The following NCOA6 variants were observed in gnomAD, a reference collection of about 807,000 sequenced individuals.
NCOA6 encodes the protein NRC RAP250.
Under a neutral mutation model 171.4 loss-of-function variants are expected in NCOA6, and 49 were observed. The observed-to-expected ratio is 0.29, with a 90% CI of 0.23 to 0.36. The LOEUF is 0.36. NCOA6 is among the 10% of genes least tolerant of loss of function. The pLI is 1.00. For synonymous variants in NCOA6, 910 were observed against 927.5 expected (o/e 0.98, Z 0.34); for missense variants, 2,248 against 2,554.5 (o/e 0.88, Z 2.59).
At chr20:34,740,152 C>A (rs1435690171) in intron 11 of NCOA6, among the ~76,000 whole-genome samples, 1 of 152,164 alleles carries the variant, frequency 6.6e-6, no homozygotes, top group Non-Finnish European at 1.5e-5. Context: ...CGTGAGCCAC[C>A]GCACCTGGCC....
chr20:34,749,906 T>C lies in NCOA6; in HGVS notation c.2289A>G (p.Ser763=), dbSNP rs751735721. Residue 763 remains serine, a synonymous_variant, in exon 9 of 15, where the codon TCA becomes TCG. Transcript: ENST00000359003. The part of the protein sequence containing the change: ...GNMVQFTGQM[S]GQMLPQQGPV... ...GCCCTTGCTGGGGCAGCATCTGTCC[T>C]GACATCTGTCCCGTAAACTGCACCA... is the stretch of plus-strand genomic sequence containing the variant. 4.3e-6 allele frequency: 7 copies of C among 1,614,116 alleles called. No homozygotes were observed. The highest frequency in any genetic ancestry group is 1.6e-4 in the Middle Eastern group (1 of 6,084).
At position 34,782,407 on chromosome 20, in the gene NCOA6, G is replaced by A; in HGVS notation, c.-49-3C>T. 9.0e-7 allele frequency: 1 copy of A among 1,113,114 alleles called. No individual in the cohort carries two copies. The highest frequency in any genetic ancestry group is 1.3e-6 in the Non-Finnish European group (1 of 774,904). 69.0% of individuals were successfully genotyped at this position (1,113,114 alleles called of 1,614,324 possible). A position where few individuals can be genotyped will look rare whatever the true frequency, so the allele number is the denominator to read the frequency against. ...CCAAGAGGACAATAAGAAAACTTCTGAAAAGAGAAGATGCAAAAGAGCATT... is the reference window on the plus strand; with the variant it reads ...CCAAGAGGACAATAAGAAAACTTCTAAAAAGAGAAGATGCAAAAGAGCATT... On this transcript the variant is annotated splice_region_variant and splice_polypyrimidine_tract_variant and intron_variant, in intron 2 of 14. Transcript: ENST00000359003.
chr20:34,740,451 GC>G lies in NCOA6; in HGVS notation c.5804del (p.Ser1935ThrfsTer6). On this transcript the variant is annotated frameshift_variant, in exon 11 of 15. Transcript: ENST00000359003. LOFTEE classifies it high-confidence loss of function. Reference protein sequence around the residue: ...ELISAVPTTKSNHGGIASESL... With the variant: ...ELISAVPTTKXNHGGIASESL... ...ACTCAGATGCTATGCCACCATGATTGCTTTTTGTGGTCGGTACGGCGGAGAT... is the reference window on the plus strand; with the variant it reads ...ACTCAGATGCTATGCCACCATGATTGTTTTTGTGGTCGGTACGGCGGAGAT... 6.2e-7 allele frequency: 1 copy of G among 1,614,198 alleles called. No individual in the cohort carries two copies. The highest frequency in any genetic ancestry group is 8.5e-7 in the Non-Finnish European group (1 of 1,180,044).
chr20:34,776,325 C>G lies in NCOA6; in HGVS notation c.359G>C (p.Arg120Pro). ...CTGAACGGAGAGAATCCCTAAATCCCGAAGCTGCTGGTTGTTGCTCTGAGC... is the reference window on the plus strand; with the variant it reads ...CTGAACGGAGAGAATCCCTAAATCCGGAAGCTGCTGGTTGTTGCTCTGAGC... ...ILAQSNNQQLRDLGILSVQIE... is the reference protein window; with the variant it reads ...ILAQSNNQQLPDLGILSVQIE... The change falls in exon 4 of 15, where the codon CGG becomes CCG. Residue 120 changes from arginine to proline, a missense_variant. Physicochemically the swap from Arg to Pro is moderately radical, Grantham distance 103 (BLOSUM62 -2). Coordinates refer to ENST00000359003, the MANE Select transcript of NCOA6 (RefSeq NM_014071.5). The G allele has an allele frequency of 6.2e-7, 1 of 1,613,912 alleles. No individual in the cohort carries two copies. The highest frequency in any genetic ancestry group is 8.5e-7 in the Non-Finnish European group (1 of 1,180,004).
chr20:34,751,215 A>G (rs1022736519), intron 8 of NCOA6, among the ~76,000 whole-genome samples: 1 of 147,286 alleles, frequency 6.8e-6, no homozygotes, highest in Non-Finnish European at 1.5e-5. Context: ...CTAAAAATAC[A>G]AAAAATTAGC....
intron 5 of NCOA6, among the ~76,000 whole-genome samples, chr20:34,759,250 G>A (rs1413541507): frequency 6.6e-6 from 1 of 152,048 alleles, no homozygotes; most frequent in Admixed American, 6.5e-5. Flanking sequence ...ATGTTGCCTA[G>A]GCTGGTCTCA....
rs544445757 is a variant in NCOA6, at chr20:34,784,494, G to A, written c.-49-2090C>T. ...TCCCACCTTGGCCTCCCAAAGTGCT[G>A]GGATTACAGGCATGAGCTACCATGT... On this transcript the variant is annotated intron_variant, in intron 2 of 14. Coordinates refer to ENST00000359003, the MANE Select transcript of NCOA6 (RefSeq NM_014071.5). Among the ~76,000 whole-genome samples the A allele has an allele frequency of 1.3e-4, 20 of 152,130 alleles. No homozygotes were observed. In the South Asian group the frequency reaches 4.1e-3, roughly 32 times the overall value.
At position 34,742,312 on chromosome 20, in the gene NCOA6, T is replaced by C; in HGVS notation, c.3944A>G (p.Gln1315Arg). The change falls in exon 11 of 15, where the codon CAG (glutamine) becomes CGG (arginine). Residue 1315 changes from glutamine to arginine, a missense_variant. By Grantham distance (43) the Gln-to-Arg change is conservative. This residue lies in a region of NCOA6 where 884 missense variants were observed against 941.9 expected (regional missense o/e 0.94). Coordinates refer to ENST00000359003, the MANE Select transcript of NCOA6 (RefSeq NM_014071.5). Reference sequence around the variant, plus strand: ...CCGTTTTGTTGCTCCAGAATTAGACTGCTTTCCAGAATTCACTACCACAGA... The same window carrying C: ...CCGTTTTGTTGCTCCAGAATTAGACCGCTTTCCAGAATTCACTACCACAGA... The part of the protein sequence containing the change: ...LDSVVVNSGK[Q>R]SNSGATKRAS... 6.2e-7 allele frequency: 1 copy of C among 1,614,212 alleles called. No individual in the cohort carries two copies.
intron 5 of NCOA6, among the ~76,000 whole-genome samples, chr20:34,765,474 G>A (rs1003334707): frequency 4.0e-5 from 6 of 151,492 alleles, no homozygotes; most frequent in Non-Finnish European, 7.4e-5. Context: ...GGTCTTCTTG[G>A]TCCATAATGA....
intron 1 of NCOA6, chr20:34,809,658 A>G (rs1174249979): frequency 7.7e-6 from 3 of 388,846 alleles, no homozygotes; most frequent in East Asian, 3.6e-5. Context: ...TGTTTCTGCT[A>G]ATTTTACTCT....
Position 34,792,713 on chromosome 20 carries a change from T to C in NCOA6, c.-163-150A>G, listed in dbSNP as rs374477858. 8.9e-4 allele frequency: 348 copies of C among 389,196 alleles called. 6 individuals are homozygous for C. The South Asian group carries it at 0.039, about 44-fold the overall frequency. 24.1% of individuals were successfully genotyped at this position (389,196 alleles called of 1,614,324 possible). On this transcript the variant is annotated intron_variant, in intron 1 of 14. Coordinates refer to ENST00000359003, the MANE Select transcript of NCOA6 (RefSeq NM_014071.5). The stretch of plus-strand genomic sequence containing the variant: ...AATATCACAAGTTATCAAGTCAGCA[T>C]TGGCATCTTTAGAGAATGTTAAAAC...
chr20:34,782,520 A>T (rs908082087), intron 2 of NCOA6, 116 bp from the exon 3 acceptor site: 8 of 285,104 alleles, frequency 2.8e-5, no homozygotes, highest in South Asian at 1.5e-4. Context: ...TATAAAAATT[A>T]AGAAATTACA....
chr20:34,759,570 T>C (rs2145847810), intron 5 of NCOA6, among the ~76,000 whole-genome samples: 1 of 152,302 alleles, frequency 6.6e-6, no homozygotes, highest in African/African-American at 2.4e-5. Flanking sequence ...CTTTTAATCT[T>C]TGTATAAATG....
chr20:34,799,688 G>C (rs1311730654), intron 1 of NCOA6, among the ~76,000 whole-genome samples: 1 of 152,006 alleles, frequency 6.6e-6, no homozygotes, highest in Non-Finnish European at 1.5e-5. Flanking sequence ...AGGAGAGAGT[G>C]GTATGACATA....
At position 34,804,704 on chromosome 20, in the gene NCOA6, ATTATT is replaced by A. The variant is rs532542574; in HGVS notation, c.-163-12146_-163-12142del. On this transcript the variant is annotated intron_variant, in intron 1 of 14. Coordinates refer to ENST00000359003, the MANE Select transcript of NCOA6 (RefSeq NM_014071.5). ...TACTTCCGCTTTCTTTTTCAAAAAA[ATTATT>A]TTAATCACACATAACTGTATATATA... is the stretch of plus-strand genomic sequence containing the variant. Among the ~76,000 whole-genome samples the A allele has an allele frequency of 4.0e-3, 608 of 152,164 alleles. 1 individual carries two copies. Among genetic ancestry groups the A allele is most frequent in the African/African-American group, 0.014 (580 of 41,520 alleles).
chr20:34,757,488 C>T lies in NCOA6; in HGVS notation c.1260G>A (p.Gln420=). 1 of 1,613,872 alleles carries T rather than the reference C, an allele frequency of 6.2e-7. No individual in the cohort carries two copies. Among genetic ancestry groups the T allele is most frequent in the Non-Finnish European group, 8.5e-7 (1 of 1,179,884 alleles). The change falls in exon 7 of 15, where the codon CAG becomes CAA. Residue 420 remains glutamine, a synonymous_variant. Transcript: ENST00000359003. ...GPSRVPTPLQ[Q]PHLTNKSPAS... ...CAGGAGACTTGTTGGTGAGGTGGGG[C>T]TGCTGCAAGGGAGTTGGGACCCTAG... is the stretch of plus-strand genomic sequence containing the variant.
chr20:34,790,568 G>C (rs2077842487), intron 2 of NCOA6, among the ~76,000 whole-genome samples: 1 of 152,072 alleles, frequency 6.6e-6, no homozygotes, highest in Non-Finnish European at 1.5e-5. Context: ...TGTTAGCCAG[G>C]ATGGTCTCGA....
At chr20:34,769,046 A>C (rs910317890) in intron 4 of NCOA6, among the ~76,000 whole-genome samples, 12 of 152,236 alleles carry the variant, frequency 7.9e-5, no homozygotes, top group African/African-American at 2.9e-4. Context: ...GTGTGGGGAC[A>C]CTAACACTTG....
At chr20:34,774,164 C>T (rs1397147412) in intron 4 of NCOA6, among the ~76,000 whole-genome samples, 1 of 152,180 alleles carries the variant, frequency 6.6e-6, no homozygotes, top group Non-Finnish European at 1.5e-5. Flanking sequence ...GTGAAAAACA[C>T]TATCAATTAA....
Sources: allele counts gnomAD v4.1 joint callset (sites outside exome capture counted in the v4.1 genomes callset), GRCh38; gene constraint gnomAD v4.1.1; regional missense constraint gnomAD v4.1.1; transcripts MANE v1.5; gene names NCBI Gene and HGNC (gene_info 2026-07-23, HGNC 2026-07-21).